Variants in SEMA4D observed in about 807,000 individuals in gnomAD.
SEMA4D encodes semaphorin 4D, also known as semaphorin-4D.
In SEMA4D, 22 loss-of-function variants were observed where a neutral mutation model predicts 74.8. The ratio of observed to expected loss-of-function variants is 0.29; its 90% CI spans 0.21 to 0.42. The LOEUF is 0.42. Ranked by LOEUF, SEMA4D falls within the 10% of genes least tolerant of loss-of-function variation. The pLI is 1.00. For synonymous variants in SEMA4D, 445 were observed against 463.7 expected (o/e 0.96, Z 0.52); for missense variants, 937 against 1,118.4 (o/e 0.84, Z 2.31).
intron 2 of SEMA4D, among the ~76,000 whole-genome samples, chr9:89,448,252 C>T (rs577756406): frequency 2.8e-4 from 43 of 152,336 alleles, no homozygotes; most frequent in Middle Eastern, 3.4e-3. Flanking sequence ...CTGGGATTTA[C>T]AAGAGTAAGC....
intron 1 of SEMA4D, among the ~76,000 whole-genome samples, chr9:89,462,854 G>A (rs989444055): frequency 3.4e-5 from 5 of 145,450 alleles, no homozygotes; most frequent in Non-Finnish European, 6.0e-5. Flanking sequence ...TGAGGCAGGA[G>A]GATCACATGA....
intron 1 of SEMA4D, among the ~76,000 whole-genome samples, chr9:89,491,395 C>T (rs768839643): frequency 2.6e-5 from 4 of 152,198 alleles, no homozygotes; most frequent in Admixed American, 1.3e-4. Flanking sequence ...CATGGTGAAA[C>T]GCTGTCTCTA....
chr9:89,387,689 G>A (rs768319892), intron 11 of SEMA4D, 81 bp from the exon 12 acceptor site: 3 of 1,237,630 alleles, frequency 2.4e-6, no homozygotes, highest in African/African-American at 1.5e-5. Context: ...GCCAACGCAG[G>A]GGGGGCTGCA....
At chr9:89,446,024 T>C (rs1328210542) in intron 2 of SEMA4D, among the ~76,000 whole-genome samples, 1 of 152,094 alleles carries the variant, frequency 6.6e-6, no homozygotes, top group East Asian at 1.9e-4. Flanking sequence ...TCCCTGCAGG[T>C]CTGTCCATCC....
chr9:89,447,719 A>G (rs1345745428), intron 2 of SEMA4D, among the ~76,000 whole-genome samples: 1 of 149,406 alleles, frequency 6.7e-6, no homozygotes, highest in Non-Finnish European at 1.5e-5. Flanking sequence ...AACCCCTCAA[A>G]CTCCCCCACC....
intron 16 of SEMA4D, among the ~76,000 whole-genome samples, chr9:89,370,299 G>C (rs1834358036): frequency 6.6e-6 from 1 of 151,696 alleles, no homozygotes; most frequent in Admixed American, 6.6e-5. Context: ...TGTGATGTGT[G>C]TGCGTGTTAT....
chr9:89,487,708 A>G (rs371994745), intron 1 of SEMA4D, among the ~76,000 whole-genome samples: 1 of 152,230 alleles, frequency 6.6e-6, no homozygotes, highest in African/African-American at 2.4e-5. Context: ...AATCAATTGT[A>G]TTTCTATATA....
At chr9:89,401,723 G>A (rs1842251364) in intron 4 of SEMA4D, among the ~76,000 whole-genome samples, 1 of 152,154 alleles carries the variant, frequency 6.6e-6, no homozygotes, top group Non-Finnish European at 1.5e-5. Context: ...TCATTATTCT[G>A]AAAACTGGTA....
intron 2 of SEMA4D, among the ~76,000 whole-genome samples, chr9:89,417,713 A>G (rs1412705587): frequency 1.3e-5 from 2 of 152,224 alleles, no homozygotes; most frequent in Non-Finnish European, 2.9e-5. Flanking sequence ...CTCCAAAAGA[A>G]GAGAGTAAGC....
At position 89,387,597 on chromosome 9, in the gene SEMA4D, G is replaced by A. The variant is rs529247702; in HGVS notation, c.1119C>T (p.Ser373=). The A allele has an allele frequency of 8.1e-6, 13 of 1,613,968 alleles. No homozygotes were observed. Among genetic ancestry groups the A allele is most frequent in the Middle Eastern group, 1.7e-4 (1 of 5,924 alleles). ...PKPRPGACID[S]EARAANYTSS... ...TGGTGTAGTTGGCGGCCCGTGCCTC[G>A]CTGTCGATGCACTGCAGGGAGAAAA... is the stretch of plus-strand genomic sequence containing the variant. Residue 373 remains serine (S), a synonymous_variant, in exon 12 of 16, where the codon AGC becomes AGT. Coordinates refer to ENST00000422704, the MANE Select transcript of SEMA4D (RefSeq NM_001371194.2).
chr9:89,491,082 T>C (rs1825588732), intron 1 of SEMA4D, among the ~76,000 whole-genome samples: 1 of 152,254 alleles, frequency 6.6e-6, no homozygotes, highest in Non-Finnish European at 1.5e-5. Context: ...GAATACATTT[T>C]GTCATAATTC....
At chr9:89,376,858 G>C, downstream of SEMA4D, 4 of 1,549,772 alleles carry the variant, frequency 2.6e-6, no homozygotes, top group Non-Finnish European at 3.5e-6. Context: ...AGAGGTAGAA[G>C]TTCCCCAGGG....
At chr9:89,441,503 C>T (rs888727385) in intron 2 of SEMA4D, among the ~76,000 whole-genome samples, 2 of 152,262 alleles carry the variant, frequency 1.3e-5, no homozygotes, top group Non-Finnish European at 2.9e-5. Flanking sequence ...ATGTCGGTAC[C>T]GGCCAGGCCC....
chr9:89,370,312 CGT>C (rs536933689), intron 16 of SEMA4D, among the ~76,000 whole-genome samples: 65 of 147,834 alleles, frequency 4.4e-4, no homozygotes, highest in Non-Finnish European at 6.6e-4. Context: ...CGTGTTATGT[CGT>C]GTGTGTGTGT....
chr9:89,463,123 C>A (rs1378474387), intron 1 of SEMA4D, among the ~76,000 whole-genome samples: 1 of 151,586 alleles, frequency 6.6e-6, no homozygotes, highest in Non-Finnish European at 1.5e-5. Flanking sequence ...CATCCCAGTA[C>A]CCACTTCCAG....
chr9:89,494,850 T>C (rs1041136836), intron 1 of SEMA4D, among the ~76,000 whole-genome samples: 2 of 152,136 alleles, frequency 1.3e-5, no homozygotes, highest in East Asian at 1.9e-4. Flanking sequence ...ACACTCAGTA[T>C]CTATTGCTAA....
rs1472153133 is a variant in SEMA4D at position 89,377,470 on chromosome 9, G to A, written c.*1234C>T. 7.6e-5 allele frequency: 12 copies of A among 157,076 alleles called. No homozygotes were observed. The highest frequency in any genetic ancestry group is 7.1e-4 in the Admixed American group (11 of 15,540). The allele number at this position is 157,076 out of a possible 1,614,324, so 9.7% of individuals were successfully genotyped here. On this transcript the variant is annotated 3_prime_UTR_variant, in exon 16 of 16. Transcript: ENST00000422704. ...TGGGTATTTACAAAGCGGGGAGATG[G>A]AGTGTGAAATTAACCAGTGTTGAAA...
At chr9:89,361,090 T>TGAG (rs1167907164) in exon 19 of SEMA4D, 1 of 152,194 alleles carries the variant, frequency 6.6e-6, no homozygotes, top group Non-Finnish European at 1.5e-5. Flanking sequence ...CTTCAGGTTA[T>TGAG]GAGTATGTGA....
At chr9:89,446,380 G>T (rs1218264020) in intron 2 of SEMA4D, among the ~76,000 whole-genome samples, 1 of 152,160 alleles carries the variant, frequency 6.6e-6, no homozygotes, top group Non-Finnish European at 1.5e-5. Context: ...TTAGAACCTG[G>T]TATTTTCGGG....
Sources: allele counts gnomAD v4.1 joint callset (sites outside exome capture counted in the v4.1 genomes callset), GRCh38; gene constraint gnomAD v4.1.1; transcripts MANE v1.5; gene names NCBI Gene and HGNC (gene_info 2026-07-23, HGNC 2026-07-21).